Variants in OTUD7A observed in about 807,000 individuals in gnomAD.
OTUD7A encodes the protein OTU deubiquitinase 7A, also known as OTU domain-containing protein 7A.
A neutral mutation model predicts 65.7 loss-of-function variants in OTUD7A; 12 were observed. The observed-to-expected ratio is 0.18, with a 90% CI of 0.12 to 0.30. The LOEUF (loss-of-function observed/expected upper bound fraction) is 0.30. Ranked by LOEUF, OTUD7A falls within the 10% of genes least tolerant of loss-of-function variation. OTUD7A has a pLI of 1.00. For synonymous variants in OTUD7A, 641 were observed against 586.3 expected, an observed-to-expected ratio of 1.09 and a Z score of -1.35; for missense variants, 1,148 against 1,304.8, an observed-to-expected ratio of 0.88 and a Z score of 1.85.
At chr15:31,739,629 G>A (rs1894285074) in intron 1 of OTUD7A, among the ~76,000 whole-genome samples, 1 of 151,902 alleles carries the variant, frequency 6.6e-6, no homozygotes, top group South Asian at 2.1e-4. Context: ...GTGTCACTCT[G>A]TTGCCCAGGC....
intron 1 of OTUD7A, among the ~76,000 whole-genome samples, chr15:31,666,563 T>A (rs1196876522): frequency 1.3e-5 from 2 of 152,214 alleles, no homozygotes; most frequent in African/African-American, 4.8e-5. Context: ...TCTTGAATTT[T>A]ATTTATTTTT....
At chr15:31,574,033 AAG>A (rs1394447118) in intron 3 of OTUD7A, among the ~76,000 whole-genome samples, 2 of 152,204 alleles carry the variant, frequency 1.3e-5, no homozygotes, top group African/African-American at 2.4e-5. Flanking sequence ...TAGATGGTAG[AAG>A]AGAGAGGGGA....
chr15:31,591,373 A>G (rs1263195077), intron 3 of OTUD7A, among the ~76,000 whole-genome samples: 1 of 152,274 alleles, frequency 6.6e-6, no homozygotes, highest in East Asian at 1.9e-4. Context: ...ACATTACTCG[A>G]GGTGTATCTG....
intron 1 of OTUD7A, among the ~76,000 whole-genome samples, chr15:31,849,669 A>G (rs1345545736): frequency 1.3e-5 from 2 of 152,242 alleles, no homozygotes; most frequent in Admixed American, 6.5e-5. Flanking sequence ...TAAAAGGCTA[A>G]TATTCAGAAG....
chr15:31,633,174 C>T (rs549944169), intron 3 of OTUD7A, among the ~76,000 whole-genome samples: 1 of 152,320 alleles, frequency 6.6e-6, no homozygotes, highest in South Asian at 2.1e-4. Flanking sequence ...GAGCCTGGTA[C>T]CTCAGATGGA....
chr15:31,731,223 G>C (rs1595732657), intron 1 of OTUD7A, among the ~76,000 whole-genome samples: 2 of 152,144 alleles, frequency 1.3e-5, no homozygotes, highest in Admixed American at 1.3e-4. Context: ...TTCAGGAATT[G>C]GGAGTATTTT....
At chr15:31,864,703 C>T (rs951284618) in intron 1 of OTUD7A, among the ~76,000 whole-genome samples, 19 of 151,592 alleles carry the variant, frequency 1.3e-4, no homozygotes, top group Admixed American at 2.6e-4. Context: ...CTTTTAACTC[C>T]AAGAATCCCC....
At chr15:31,709,571 G>A (rs1194753569) in intron 1 of OTUD7A, among the ~76,000 whole-genome samples, 5 of 152,228 alleles carry the variant, frequency 3.3e-5, no homozygotes, top group Non-Finnish European at 7.3e-5. Context: ...CTGAAGAACC[G>A]GGCATTCACC....
At chr15:31,725,057 C>G (rs572641239) in intron 1 of OTUD7A, among the ~76,000 whole-genome samples, 1 of 152,272 alleles carries the variant, frequency 6.6e-6, no homozygotes, top group East Asian at 1.9e-4. Flanking sequence ...TAGCAGAGAC[C>G]TGGGACTGCT....
intron 1 of OTUD7A, among the ~76,000 whole-genome samples, chr15:31,754,861 T>C (rs1395795123): frequency 6.6e-6 from 1 of 152,182 alleles, no homozygotes; most frequent in Non-Finnish European, 1.5e-5. Context: ...TGAAAGCTTC[T>C]CAGGGACCCC....
intron 1 of OTUD7A, among the ~76,000 whole-genome samples, chr15:31,770,978 C>A (rs1207387220): frequency 5.3e-5 from 8 of 152,202 alleles, no homozygotes; most frequent in Non-Finnish European, 1.2e-4. Flanking sequence ...GCATGCTCTG[C>A]ACCTACGATC....
chr15:31,783,131 A>G (rs1466148105), intron 1 of OTUD7A, among the ~76,000 whole-genome samples: 4 of 152,198 alleles, frequency 2.6e-5, no homozygotes, highest in Non-Finnish European at 5.9e-5. Context: ...AGAAACCAAA[A>G]AGCAGTGGCA....
chr15:31,526,734 C>T (rs1018475981), intron 7 of OTUD7A, among the ~76,000 whole-genome samples: 1 of 152,194 alleles, frequency 6.6e-6, no homozygotes, highest in African/African-American at 2.4e-5. Flanking sequence ...TAACCTGTGC[C>T]TGCACCTAAC....
intron 8 of OTUD7A, among the ~76,000 whole-genome samples, chr15:31,508,993 G>C (rs1164115271): frequency 6.6e-6 from 1 of 152,122 alleles, no homozygotes; most frequent in African/African-American, 2.4e-5. Flanking sequence ...ATTTGATAAT[G>C]CTTTTTGTAT....
intron 1 of OTUD7A, among the ~76,000 whole-genome samples, chr15:31,762,351 CA>C (rs1894989080): frequency 6.6e-6 from 1 of 152,200 alleles, no homozygotes; most frequent in African/African-American, 2.4e-5. Flanking sequence ...GTCCTCCCAC[CA>C]TTTAACCTCC....
chr15:31,765,285 A>T (rs1895068022), intron 1 of OTUD7A, among the ~76,000 whole-genome samples: 1 of 152,124 alleles, frequency 6.6e-6, no homozygotes, highest in Non-Finnish European at 1.5e-5. Flanking sequence ...GAAGAGTGCA[A>T]CATTTGGCAG....
intron 1 of OTUD7A, among the ~76,000 whole-genome samples, chr15:31,755,595 G>A (rs919837066): frequency 7.2e-5 from 11 of 152,050 alleles, no homozygotes; most frequent in South Asian, 4.1e-4. Context: ...GCTGGCGGGC[G>A]CCTGTAGTCC....
At chr15:31,778,767 TAC>T (rs372445306) in intron 1 of OTUD7A, among the ~76,000 whole-genome samples, 1 of 151,562 alleles carries the variant, frequency 6.6e-6, no homozygotes, top group South Asian at 2.1e-4. Context: ...GACACGCACA[TAC>T]ACACACACAC....
intron 1 of OTUD7A, among the ~76,000 whole-genome samples, chr15:31,780,918 G>A (rs779407505): frequency 7.9e-5 from 12 of 152,228 alleles, no homozygotes; most frequent in Non-Finnish European, 1.3e-4. Context: ...TACAGTGACT[G>A]TAGGTACAAA....
Sources: gnomAD v4.1 joint callset for allele counts (sites outside exome capture counted in the v4.1 genomes callset) on GRCh38, gnomAD v4.1.1 for gene constraint, MANE v1.5 for transcripts, NCBI Gene and HGNC (gene_info 2026-07-23, HGNC 2026-07-21) for gene names.